NSUN3: variants seen among roughly 807,000 people sequenced by gnomAD.
NSUN3 encodes tRNA (cytosine(34)-C(5))-methyltransferase, mitochondrial.
In NSUN3, 24 loss-of-function variants were observed where a neutral mutation model predicts 36.8. The ratio of observed to expected loss-of-function variants is 0.65; its 90% CI spans 0.47 to 0.92. NSUN3 has a LOEUF of 0.92. Ranked by LOEUF, NSUN3 falls within the 40% of genes least tolerant of loss-of-function variation. The pLI is 0.00. For synonymous variants in NSUN3, 146 were observed against 145.2 expected (o/e 1.01, Z -0.04); for missense variants, 381 against 392.8 (o/e 0.97, Z 0.25).
intron 2 of NSUN3, among the ~76,000 whole-genome samples, chr3:94,069,017 A>G (rs2077215547): frequency 6.6e-6 from 1 of 152,222 alleles, no homozygotes; most frequent in Non-Finnish European, 1.5e-5. Flanking sequence ...ATTGATAGGT[A>G]TCTTGTAGTT....
In NSUN3 at chr3:94,084,087, TTC is replaced by T; in HGVS notation, c.123-16_123-15del. 6.4e-7 allele frequency: 1 copy of T among 1,552,788 alleles called. No individual in the cohort carries two copies. The highest frequency in any genetic ancestry group is 8.9e-7 in the Non-Finnish European group (1 of 1,128,948). ...TGTATCATATTAATATTCTCTTATT[TTC>T]TCTTTTTCTATTTCTAGGGAGATAC... On this transcript the variant is annotated intron_variant, in intron 2 of 5. Coordinates refer to ENST00000314622, the MANE Select transcript of NSUN3 (RefSeq NM_022072.5).
At chr3:94,082,163 A>AG (rs1199815955) in intron 2 of NSUN3, 1 of 152,024 alleles carries the variant, frequency 6.6e-6, no homozygotes, top group East Asian at 1.9e-4. Flanking sequence ...GCCTGTTTGG[A>AG]GGTAAGATTA....
At chr3:94,124,098 C>T (rs1327623697) in intron 5 of NSUN3, among the ~76,000 whole-genome samples, 3 of 149,422 alleles carry the variant, frequency 2.0e-5, no homozygotes, top group Non-Finnish European at 4.4e-5. Flanking sequence ...AATAACAAGA[C>T]TGTGTGGCTT....
At position 94,127,546 on chromosome 3, in the gene NSUN3, A is replaced by G. The variant is rs1328587062; in HGVS notation, c.*1056A>G. The G allele has an allele frequency of 6.6e-6, 1 of 152,180 alleles. No homozygotes were observed. The highest frequency in any genetic ancestry group is 1.5e-5 in the Non-Finnish European group (1 of 68,024). 9.4% of individuals were successfully genotyped at this position (152,180 alleles called of 1,614,324 possible). ...ATACTGTATACATTTCTTCTTATGTACTTAGGGTTTTAGCTTCAGTCAGCA... is the reference window on the plus strand; with the variant it reads ...ATACTGTATACATTTCTTCTTATGTGCTTAGGGTTTTAGCTTCAGTCAGCA... On this transcript the variant is annotated 3_prime_UTR_variant, in exon 6 of 6. Transcript: ENST00000314622.
chr3:94,080,857 A>G (rs1323627655), intron 2 of NSUN3, among the ~76,000 whole-genome samples: 1 of 152,060 alleles, frequency 6.6e-6, no homozygotes, highest in Non-Finnish European at 1.5e-5. Context: ...TGGGGGTGGG[A>G]CCTGCTGAGC....
intron 5 of NSUN3, among the ~76,000 whole-genome samples, chr3:94,106,204 T>C (rs2107263920): frequency 1.3e-5 from 2 of 152,330 alleles, no homozygotes; most frequent in Admixed American, 1.3e-4. Flanking sequence ...ACTAGTACTT[T>C]ATAAGAAATA....
At chr3:94,101,414 G>GT (rs1256929764) in intron 5 of NSUN3, among the ~76,000 whole-genome samples, 13 of 151,700 alleles carry the variant, frequency 8.6e-5, no homozygotes, top group East Asian at 5.8e-4. Flanking sequence ...TAGTTTTCTG[G>GT]TTTTTTTTAA....
At chr3:94,077,164 T>C (rs2077249811) in intron 2 of NSUN3, 1 of 717,568 alleles carries the variant, frequency 1.4e-6, no homozygotes, top group Admixed American at 2.0e-5. Flanking sequence ...GGCTGCTTCC[T>C]TGTCAGTCAT....
intron 2 of NSUN3, chr3:94,081,578 C>T (rs2077269209): frequency 6.6e-6 from 1 of 152,158 alleles, no homozygotes; most frequent in South Asian, 2.1e-4. Context: ...TGGCTTTGTC[C>T]TGAAACTTCC....
intron 5 of NSUN3, among the ~76,000 whole-genome samples, chr3:94,110,084 C>A (rs964902063): frequency 2.6e-5 from 4 of 152,066 alleles, no homozygotes; most frequent in African/African-American, 9.7e-5. Context: ...TTTATTGGGT[C>A]AGGTGTAAAA....
rs1161669272 is a variant in NSUN3 at position 94,127,752 on chromosome 3, T to C, written c.*1262T>C. The C allele has an allele frequency of 6.6e-6, 1 of 152,232 alleles. No individual in the cohort carries two copies. The highest frequency in any genetic ancestry group is 1.9e-4 in the East Asian group (1 of 5,206). The allele number at this position is 152,232 out of a possible 1,614,324, so 9.4% of individuals were successfully genotyped here. A position where few individuals can be genotyped will look rare whatever the true frequency, so the allele number is the denominator to read the frequency against. Reference sequence around the variant, plus strand: ...CTGCTAAAGCTGAATACTTTTGAATTGTTCATTATGTTCTGTGCCTTTAAA... The same window carrying C: ...CTGCTAAAGCTGAATACTTTTGAATCGTTCATTATGTTCTGTGCCTTTAAA... On this transcript the variant is annotated 3_prime_UTR_variant, in exon 6 of 6. Coordinates refer to ENST00000314622, the MANE Select transcript of NSUN3 (RefSeq NM_022072.5).
At chr3:94,087,781 C>T (rs994477275) in intron 3 of NSUN3, among the ~76,000 whole-genome samples, 1 of 152,100 alleles carries the variant, frequency 6.6e-6, no homozygotes, top group African/African-American at 2.4e-5. Flanking sequence ...AGTCATCCTC[C>T]CTCCTCGGTC....
At chr3:94,064,282 T>C in intron 1 of NSUN3, 155 bp from the exon 2 acceptor site, 1 of 590,304 alleles carries the variant, frequency 1.7e-6, no homozygotes, top group Non-Finnish European at 3.0e-6. Flanking sequence ...TTAGATAATG[T>C]ACAGTTTTGG....
intron 2 of NSUN3, among the ~76,000 whole-genome samples, chr3:94,080,971 T>C (rs2077266461): frequency 6.6e-6 from 1 of 152,206 alleles, no homozygotes; most frequent in Non-Finnish European, 1.5e-5. Flanking sequence ...AGAAAACTCC[T>C]GCAGCTAGTT....
At chr3:94,073,145 T>C (rs1440711132) in intron 2 of NSUN3, among the ~76,000 whole-genome samples, 1 of 152,212 alleles carries the variant, frequency 6.6e-6, no homozygotes, top group East Asian at 1.9e-4. Context: ...TCCTTTTATA[T>C]GGCTGCATAG....
At chr3:94,095,188 G>A in intron 5 of NSUN3, 34 bp downstream of exon 5, 1 of 1,604,216 alleles carries the variant, frequency 6.2e-7, no homozygotes, top group Non-Finnish European at 8.5e-7. Context: ...GTATTTTGGT[G>A]TCTGATGTAA....
chr3:94,106,632 G>A (rs1442912002), intron 5 of NSUN3, among the ~76,000 whole-genome samples: 1 of 152,080 alleles, frequency 6.6e-6, no homozygotes, highest in Non-Finnish European at 1.5e-5. Flanking sequence ...TCACCTTAAT[G>A]TTTTCTTTGG....
intron 2 of NSUN3, among the ~76,000 whole-genome samples, chr3:94,065,589 A>T (rs1215713564): frequency 2.0e-5 from 3 of 152,226 alleles, no homozygotes; most frequent in African/African-American, 7.2e-5. Context: ...AGTTCTGAGC[A>T]TTTTCTAAAA....
chr3:94,079,030 C>G (rs1648189012), intron 2 of NSUN3, among the ~76,000 whole-genome samples: 1 of 152,136 alleles, frequency 6.6e-6, no homozygotes, highest in African/African-American at 2.4e-5. Context: ...TGTCGATGGT[C>G]TTTACAATTT....
Sources: gnomAD v4.1 joint callset for allele counts (sites outside exome capture counted in the v4.1 genomes callset) on GRCh38, gnomAD v4.1.1 for gene constraint, MANE v1.5 for transcripts, NCBI Gene and HGNC (gene_info 2026-07-23, HGNC 2026-07-21) for gene names.